SPTBN4: variants seen among roughly 807,000 people sequenced by gnomAD.
The protein encoded by SPTBN4 is spectrin beta chain, non-erythrocytic 4.
Under a neutral mutation model 277.8 loss-of-function variants are expected in SPTBN4, and 96 were observed. That is an observed-to-expected ratio of 0.35 (90% CI 0.29 to 0.41). The LOEUF is 0.41. Among genes scored for constraint, SPTBN4 ranks in the 10% least tolerant of loss-of-function variants. The pLI is 1.00. For synonymous variants in SPTBN4, 1,481 were observed against 1,580.3 expected (o/e 0.94, Z 1.49); for missense variants, 3,006 against 3,595.7 (o/e 0.84, Z 4.19).
At position 40,490,153 on chromosome 19, in the gene SPTBN4, C is replaced by G; in HGVS notation, c.400C>G (p.Arg134Gly). The change falls in exon 4 of 36, where the codon CGC becomes GGC. Residue 134 changes from arginine (R) to glycine (G), a missense_variant. Around this residue, in one of 5 missense-constraint regions of SPTBN4, gnomAD observed 114 missense variants for 196.1 expected, o/e 0.58. Transcript: ENST00000598249. The surrounding 1 kb of genome is among the most constrained non-coding windows in gnomAD (Gnocchi z 4.3). ...GGCGCTGCAGTTTCTGAAGGAGCAG[C>G]GCGTGCACCTGGAGAACGTGGGTTC... ...DKALQFLKEQRVHLENVGSHD... is the reference protein window; with the variant it reads ...DKALQFLKEQGVHLENVGSHD... 1.9e-6 allele frequency: 3 copies of G among 1,614,186 alleles called. No homozygotes were observed. Among genetic ancestry groups the G allele is most frequent in the Non-Finnish European group, 2.5e-6 (3 of 1,180,026 alleles).
intron 2 of SPTBN4, among the ~76,000 whole-genome samples, chr19:40,481,006 G>A (rs1260215540): frequency 4.6e-5 from 7 of 152,000 alleles, no homozygotes; most frequent in African/African-American, 7.3e-5. Context: ...TGGAGGTTGC[G>A]GTGAGCCAAG....
chr19:40,570,966 C>T, intron 33 of SPTBN4: 1 of 476,944 alleles, frequency 2.1e-6, no homozygotes, highest in Non-Finnish European at 3.7e-6. Flanking sequence ...TAGGTGGGGC[C>T]AGATGAGGGG....
chr19:40,517,443 A>G (rs545228286), intron 15 of SPTBN4, among the ~76,000 whole-genome samples: 5 of 152,116 alleles, frequency 3.3e-5, no homozygotes, highest in East Asian at 1.9e-4. Flanking sequence ...CTATGGATGC[A>G]CACCACTGCA....
Position 40,554,021 on chromosome 19 carries a change from T to G in SPTBN4, c.4675-126T>G. 1 of 959,112 alleles carries G rather than the reference T, an allele frequency of 1.0e-6. No homozygotes were observed. The highest frequency in any genetic ancestry group is 1.8e-5 in the African/African-American group (1 of 57,108). The allele number at this position is 959,112 out of a possible 1,614,324, so 59.4% of individuals were successfully genotyped here. A position where few individuals can be genotyped will look rare whatever the true frequency, so the allele number is the denominator to read the frequency against. ...AAAATGTTTACATGGTCTTGGCACGTGGTTAGCGAGCTGGGGGTGCTTGTT... is the reference window on the plus strand; with the variant it reads ...AAAATGTTTACATGGTCTTGGCACGGGGTTAGCGAGCTGGGGGTGCTTGTT... On this transcript the variant is annotated intron_variant, in intron 22 of 35. Transcript: ENST00000598249. The surrounding 1 kb of genome is among the most constrained non-coding windows in gnomAD (Gnocchi z 5.7).
intron 22 of SPTBN4, among the ~76,000 whole-genome samples, chr19:40,553,849 G>C (rs905601450): frequency 7.2e-5 from 11 of 152,164 alleles, no homozygotes; most frequent in Non-Finnish European, 1.3e-4. Flanking sequence ...GCTTGGCTCA[G>C]AGCACAGTCT....
intron 12 of SPTBN4, among the ~76,000 whole-genome samples, chr19:40,505,758 G>GA (rs975100455): frequency 6.6e-6 from 1 of 151,770 alleles, no homozygotes; most frequent in Non-Finnish European, 1.5e-5. Flanking sequence ...AAGGAAGAAA[G>GA]AAAGGTGAAC....
chr19:40,492,954 T>C lies in SPTBN4; in HGVS notation c.496-9T>C. On this transcript the variant is annotated splice_polypyrimidine_tract_variant and intron_variant, in intron 4 of 35. Coordinates refer to ENST00000598249, the MANE Select transcript of SPTBN4 (RefSeq NM_020971.3). ...CAGGCCCTGGTAGCCATTTTTTGTA[T>C]CTTCACAGATTCAAGTCATCAAAAT... 6.2e-7 allele frequency: 1 copy of C among 1,613,756 alleles called. No homozygotes were observed. Among genetic ancestry groups the C allele is most frequent in the Non-Finnish European group, 8.5e-7 (1 of 1,179,758 alleles).
chr19:40,512,483 G>C lies in SPTBN4; in HGVS notation c.1817-123G>C, dbSNP rs1341057336. 3 of 1,268,622 alleles carry C rather than the reference G, an allele frequency of 2.4e-6. No homozygotes were observed. The East Asian group carries it at 9.1e-5, about 39-fold the overall frequency. 78.6% of individuals were successfully genotyped at this position (1,268,622 alleles called of 1,614,324 possible). A position where few individuals can be genotyped will look rare whatever the true frequency, so the allele number is the denominator to read the frequency against. On this transcript the variant is annotated intron_variant, in intron 13 of 35. Coordinates refer to ENST00000598249, the MANE Select transcript of SPTBN4 (RefSeq NM_020971.3). ...TGTCAGGGAAGGCTGCCTGGAGGAG[G>C]AGCCACGTGACCCGGCATCTGATGA...
rs2080958697 is a variant in SPTBN4, at chr19:40,554,755, C to T, written c.5084+109C>T. The T allele has an allele frequency of 6.7e-7, 1 of 1,503,380 alleles. No homozygotes were observed. The highest frequency in any genetic ancestry group is 1.4e-5 in the African/African-American group (1 of 72,214). The allele number at this position is 1,503,380 out of a possible 1,614,324, so 93.1% of individuals were successfully genotyped here. A position where few individuals can be genotyped will look rare whatever the true frequency, so the allele number is the denominator to read the frequency against. The stretch of plus-strand genomic sequence containing the variant: ...TGGACGTTGGGTGGGAGAGGTCCTC[C>T]TTGCTGTGTGCTGGAGCCCTCGAAT... On this transcript the variant is annotated intron_variant, in intron 24 of 35. Transcript: ENST00000598249. This position sits in a 1 kb window ranked among gnomAD's most constrained non-coding sequence, Gnocchi z 5.7.
At chr19:40,528,800 CTCTT>C (rs772773169) in intron 17 of SPTBN4, among the ~76,000 whole-genome samples, 24 of 151,940 alleles carry the variant, frequency 1.6e-4, no homozygotes, top group Non-Finnish European at 2.4e-4. Context: ...CCGTCTATAT[CTCTT>C]TCTTTCTAAG....
chr19:40,512,582 G>C, intron 13 of SPTBN4, 24 bp from the exon 14 acceptor site: 1 of 1,511,048 alleles, frequency 6.6e-7, no homozygotes, highest in Non-Finnish European at 8.8e-7. Context: ...ACCAATCCTG[G>C]ATGCTCCCCT....
rs114678308 is a variant in SPTBN4 at position 40,492,352 on chromosome 19, T to C, written c.496-611T>C. On this transcript the variant is annotated intron_variant, in intron 4 of 35. Transcript: ENST00000598249. ...GGCCAGTTTGAGATGGGTCCAGTGG[T>C]TATGGGTCCAGGACATTGGAGTTGG... is the stretch of plus-strand genomic sequence containing the variant. 3.3e-3 allele frequency among the ~76,000 whole-genome samples: 496 copies of C among 152,044 alleles called. 1 individual carries two copies. The highest frequency in any genetic ancestry group is 0.011 in the African/African-American group (460 of 41,456).
chr19:40,479,167 G>A (rs1397462178), intron 2 of SPTBN4, among the ~76,000 whole-genome samples: 1 of 152,038 alleles, frequency 6.6e-6, no homozygotes, highest in Non-Finnish European at 1.5e-5. Context: ...GTGCTATCAC[G>A]GCTCACTGCA....
intron 17 of SPTBN4, 53 bp from the exon 18 acceptor site, chr19:40,528,988 G>C: frequency 6.9e-7 from 1 of 1,451,586 alleles, no homozygotes; most frequent in Non-Finnish European, 9.7e-7. Context: ...TACTGCCAGC[G>C]CCGCACCCCC....
intron 2 of SPTBN4, among the ~76,000 whole-genome samples, chr19:40,477,908 G>A (rs553250273): frequency 3.3e-5 from 5 of 152,088 alleles, no homozygotes; most frequent in Middle Eastern, 3.4e-3. Flanking sequence ...CCGCAGTCTC[G>A]GCTCACTGCA....
At position 40,515,242 on chromosome 19, in the gene SPTBN4, A is replaced by G. The variant is rs2080440299; in HGVS notation, c.2766-69A>G. On this transcript the variant is annotated intron_variant, in intron 14 of 35. Transcript: ENST00000598249. This position sits in a 1 kb window ranked among gnomAD's most constrained non-coding sequence, Gnocchi z 4.1. ...TGGATTGAGAATTAGGAGTAGAACC[A>G]GTAGAAGGTATTTCATAAAACCAAG... is the stretch of plus-strand genomic sequence containing the variant. 2 of 1,546,402 alleles carry G rather than the reference A, an allele frequency of 1.3e-6. No individual in the cohort carries two copies. Among genetic ancestry groups the G allele is most frequent in the South Asian group, 1.3e-5 (1 of 79,768 alleles).
Position 40,557,388 on chromosome 19 carries a change from GCTC to G in SPTBN4, c.5659_5661del (p.Leu1887del). On this transcript the variant is annotated inframe_deletion, in exon 26 of 36. Transcript: ENST00000598249. Reference sequence around the variant, plus strand: ...TGAGAGCCTTTGAGCATGACCTGCAGCTCCTCGTGTCCCAGGTGGGGCGCCGGT... The same window carrying G: ...TGAGAGCCTTTGAGCATGACCTGCAGCTCGTGTCCCAGGTGGGGCGCCGGT... 6.4e-7 allele frequency: 1 copy of G among 1,570,966 alleles called. No individual in the cohort carries two copies. Among genetic ancestry groups the G allele is most frequent in the Non-Finnish European group, 8.7e-7 (1 of 1,154,376 alleles).
At chr19:40,543,605 G>A (rs965674578) in intron 20 of SPTBN4, among the ~76,000 whole-genome samples, 2 of 152,096 alleles carry the variant, frequency 1.3e-5, no homozygotes, top group East Asian at 1.9e-4. Flanking sequence ...GTGGTAATCT[G>A]CTACCACTTA....
At chr19:40,524,371 G>T (rs937509511) in intron 17 of SPTBN4, among the ~76,000 whole-genome samples, 1 of 151,906 alleles carries the variant, frequency 6.6e-6, no homozygotes, top group African/African-American at 2.4e-5. Context: ...GCTGGGCGTG[G>T]TGATGCGTGC....
Sources: allele counts gnomAD v4.1 joint callset (sites outside exome capture counted in the v4.1 genomes callset), GRCh38; gene constraint gnomAD v4.1.1; regional missense constraint gnomAD v4.1.1; non-coding constraint Gnocchi (gnomAD v3.1); transcripts MANE v1.5; gene names NCBI Gene and HGNC (gene_info 2026-07-23, HGNC 2026-07-21).